The following PISD variants were observed in gnomAD, a reference collection of about 807,000 sequenced individuals.
PISD encodes the protein phosphatidylserine decarboxylase proenzyme, mitochondrial.
Under a neutral mutation model 43.5 loss-of-function variants are expected in PISD, and 31 were observed. That is an observed-to-expected ratio of 0.71 (90% CI 0.54 to 0.96). The LOEUF (loss-of-function observed/expected upper bound fraction) is 0.96. Among genes scored for constraint, PISD ranks in the 40% least tolerant of loss-of-function variants. PISD has a pLI of 0.00. For synonymous variants in PISD, 259 were observed against 228.7 expected (o/e 1.13, Z -1.20); for missense variants, 523 against 548.4 (o/e 0.95, Z 0.46).
In PISD at chr22:31,650,715, A is replaced by G. The variant is rs1380043205; in HGVS notation, c.129T>C (p.Phe43=). 1 of 1,552,540 alleles carries G rather than the reference A, an allele frequency of 6.4e-7. No individual in the cohort carries two copies. Among genetic ancestry groups the G allele is most frequent in the African/African-American group, 1.4e-5 (1 of 73,218 alleles). The change falls in exon 2 of 8, where the codon TTT becomes TTC. Residue 43 remains phenylalanine, a synonymous_variant. Coordinates refer to ENST00000439502, the MANE Select transcript of PISD (RefSeq NM_001326411.2). ...GCTCCTTACCTGTGCGAAAGGCTCT[A>G]AAAGGCAGCTTCCGTAAGGGCTGTA... The part of the protein sequence containing the change: ...QSLQPLRKLP[F]RAFRTDARKI...
intron 1 of PISD, among the ~76,000 whole-genome samples, chr22:31,656,681 T>TAAATAAATAAAC (rs1384497131): frequency 9.5e-4 from 142 of 150,186 alleles, no homozygotes; most frequent in Non-Finnish European, 1.3e-3. Context: ...AATAAATAAA[T>TAAATAAATAAAC]AAACAAAACA....
chr22:31,628,193 C>T (rs749565784), intron 3 of PISD: 65 of 985,368 alleles, frequency 6.6e-5, no homozygotes, highest in Middle Eastern at 5.2e-4. Context: ...GGCTGAGCAC[C>T]GTCTGTCCCT....
At chr22:31,623,676 AC>A in intron 3 of PISD, 2 of 1,611,326 alleles carry the variant, frequency 1.2e-6, no homozygotes, top group African/African-American at 2.7e-5. Context: ...GGGCCTGTGC[AC>A]ACTTACCCTG....
rs2072562398 is a variant in PISD at position 31,621,411 on chromosome 22, T to G, written c.620A>C (p.Gln207Pro). 1.2e-6 allele frequency: 2 copies of G among 1,613,986 alleles called. No individual in the cohort carries two copies. The highest frequency in any genetic ancestry group is 1.7e-6 in the Non-Finnish European group (2 of 1,180,008). Residue 207 changes from glutamine to proline, a missense_variant, in exon 5 of 8, where the codon CAG becomes CCG. Gln to Pro is a moderately conservative substitution (Grantham distance 76). Transcript: ENST00000439502. ...FGQVKNCEVE[Q>P]VKGVTYSLES... ...CAGGGAGTAGGTGACCCCCTTTACC[T>G]GCTCCACCTCACAGTTCTTCACCTG...
intron 3 of PISD, among the ~76,000 whole-genome samples, chr22:31,625,180 G>C (rs774033890): frequency 6.6e-6 from 1 of 152,210 alleles, no homozygotes; most frequent in Admixed American, 6.5e-5. Flanking sequence ...GACGGCAGGC[G>C]AACCAGTGGC....
intron 3 of PISD, among the ~76,000 whole-genome samples, chr22:31,637,800 G>C (rs570106987): frequency 2.0e-5 from 3 of 152,306 alleles, no homozygotes; most frequent in East Asian, 1.9e-4. Flanking sequence ...CCCCTCACCC[G>C]GCACTGGCTA....
intron 2 of PISD, among the ~76,000 whole-genome samples, chr22:31,649,508 C>T (rs951440213): frequency 1.3e-5 from 2 of 151,950 alleles, no homozygotes; most frequent in Non-Finnish European, 2.9e-5. Flanking sequence ...CCGAGGCAGG[C>T]GGATCACGAG....
intron 3 of PISD, chr22:31,629,046 A>C: frequency 1.0e-6 from 1 of 985,498 alleles, no homozygotes; most frequent in African/African-American, 1.7e-5. Flanking sequence ...TTGTCAGGAC[A>C]TGCTGTTTTG....
intron 3 of PISD, among the ~76,000 whole-genome samples, chr22:31,639,877 C>T (rs1260380396): frequency 6.6e-6 from 1 of 152,186 alleles, no homozygotes; most frequent in Non-Finnish European, 1.5e-5. Context: ...CAAGTGAACA[C>T]TCAGGCCAAG....
intron 3 of PISD, among the ~76,000 whole-genome samples, chr22:31,641,787 T>C (rs2073738649): frequency 6.6e-6 from 1 of 151,004 alleles, no homozygotes; most frequent in Non-Finnish European, 1.5e-5. Context: ...GCCACTGCAC[T>C]CCAGCCTGGG....
chr22:31,626,822 C>G (rs1447441102), intron 3 of PISD, among the ~76,000 whole-genome samples: 2 of 152,170 alleles, frequency 1.3e-5, no homozygotes, highest in Admixed American at 6.5e-5. Flanking sequence ...GCAATCAAGG[C>G]CCTCCAGGAT....
intron 3 of PISD, 28 bp from the exon 4 acceptor site, chr22:31,621,913 T>TG: frequency 6.6e-7 from 1 of 1,525,814 alleles, no homozygotes; most frequent in Non-Finnish European, 9.0e-7. Context: ...AGGGGCTGAG[T>TG]TGACCACACT....
At chr22:31,658,964 C>T (rs2074250800) in intron 1 of PISD, among the ~76,000 whole-genome samples, 1 of 151,888 alleles carries the variant, frequency 6.6e-6, no homozygotes, top group Non-Finnish European at 1.5e-5. Flanking sequence ...GGCAATCCTC[C>T]TACCTCAGCC....
rs985067220 is a variant in PISD, at chr22:31,625,628, C to T, written c.322-3743G>A. 31 of 1,135,656 alleles carry T rather than the reference C, an allele frequency of 2.7e-5. No individual in the cohort carries two copies. The Admixed American group carries it at 6.5e-4, about 24-fold the overall frequency. The allele number at this position is 1,135,656 out of a possible 1,614,324, so 70.3% of individuals were successfully genotyped here. A position where few individuals can be genotyped will look rare whatever the true frequency, so the allele number is the denominator to read the frequency against. ...GGGTGCTCAGGCCCCCCAGGCCAGG[C>T]TCCTCCAGCCTCGGGGGCTGACCAC... On this transcript the variant is annotated intron_variant, in intron 3 of 7. Coordinates refer to ENST00000439502, the MANE Select transcript of PISD (RefSeq NM_001326411.2).
chr22:31,636,350 G>A (rs563600658), intron 3 of PISD, among the ~76,000 whole-genome samples: 1 of 152,270 alleles, frequency 6.6e-6, no homozygotes, highest in East Asian at 1.9e-4. Flanking sequence ...GAGCATACCT[G>A]CAAGCCCAGC....
rs1469798402 is a variant in PISD at position 31,637,162 on chromosome 22, AAAATATATATATATATAT to A, written c.321+10921_321+10938del. On this transcript the variant is annotated intron_variant, in intron 3 of 7. Coordinates refer to ENST00000439502, the MANE Select transcript of PISD (RefSeq NM_001326411.2). The stretch of plus-strand genomic sequence containing the variant: ...ATAAATTAAAAAAAAAAAAAAAAAA[AAAATATATATATATATAT>A]ATATATATATATATATATATATATA... Among the ~76,000 whole-genome samples the A allele has an allele frequency of 9.7e-4, 15 of 15,474 alleles. No individual in the cohort carries two copies. The South Asian group carries it at 0.016, about 17-fold the overall frequency. 10.2% of individuals were successfully genotyped at this position (15,474 alleles called of 152,430 possible).
At chr22:31,641,501 C>G (rs2073724702) in intron 3 of PISD, among the ~76,000 whole-genome samples, 1 of 152,110 alleles carries the variant, frequency 6.6e-6, no homozygotes, top group South Asian at 2.1e-4. Flanking sequence ...TTATGCTACT[C>G]AGAACAGGGA....
intron 1 of PISD, among the ~76,000 whole-genome samples, chr22:31,656,681 TAAAC>T (rs1188994992): frequency 6.7e-6 from 1 of 150,068 alleles, no homozygotes; most frequent in Non-Finnish European, 1.5e-5. Context: ...AATAAATAAA[TAAAC>T]AAAACAGAAA....
Position 31,619,587 on chromosome 22 carries a change from A to C in PISD, c.*25T>G, listed in dbSNP as rs1222676068. On this transcript the variant is annotated 3_prime_UTR_variant, in exon 8 of 8. Transcript: ENST00000439502. ...TCACTCTGTTTGGAAAAGATCCCTT[A>C]GCAGCCATAATCAGGAAAGAGACTC... The C allele has an allele frequency of 6.3e-7, 1 of 1,582,170 alleles. No homozygotes were observed. The highest frequency in any genetic ancestry group is 2.2e-5 in the East Asian group (1 of 44,728).
Sources: allele counts gnomAD v4.1 joint callset (sites outside exome capture counted in the v4.1 genomes callset), GRCh38; gene constraint gnomAD v4.1.1; transcripts MANE v1.5; gene names NCBI Gene and HGNC (gene_info 2026-07-23, HGNC 2026-07-21).